FOXP1: variants seen among roughly 807,000 people sequenced by gnomAD.
FOXP1 encodes the protein forkhead box P1, also known as forkhead box protein P1.
Under a neutral mutation model 98.2 loss-of-function variants are expected in FOXP1, and 15 were observed. The observed-to-expected ratio is 0.15, with a 90% confidence interval of 0.10 to 0.24. FOXP1 has a LOEUF of 0.24. FOXP1 is among the 10% of genes least tolerant of loss of function. The pLI is 1.00. For synonymous variants in FOXP1, 371 were observed against 314.5 expected, an observed-to-expected ratio of 1.18 and a Z score of -1.90; for missense variants, 633 against 848.5, an observed-to-expected ratio of 0.75 and a Z score of 3.15.
At chr3:71,106,849 T>C (rs1039199528) in intron 7 of FOXP1, among the ~76,000 whole-genome samples, 17 of 151,306 alleles carry the variant, frequency 1.1e-4, no homozygotes, top group South Asian at 4.2e-4. Flanking sequence ...TCATGGCTCA[T>C]TGTAGCCTCT....
chr3:71,040,080 G>GGTGTGTGTGT (rs111790256), intron 11 of FOXP1, among the ~76,000 whole-genome samples: 1 of 147,830 alleles, frequency 6.8e-6, no homozygotes, highest in Non-Finnish European at 1.5e-5. Flanking sequence ...ACTTGAACAT[G>GGTGTGTGTGT]GTGTGTGTGT....
intron 6 of FOXP1, among the ~76,000 whole-genome samples, chr3:71,116,798 G>T (rs1480814755): frequency 6.6e-6 from 1 of 152,190 alleles, no homozygotes; most frequent in Admixed American, 6.5e-5. Context: ...TCACATGCAA[G>T]GAGAGGCAAT....
chr3:71,047,093 T>C lies in FOXP1; in HGVS notation c.513A>G (p.Gln171=). The change falls in exon 10 of 21, where the codon CAA becomes CAG. Residue 171 remains glutamine, a splice_region_variant and synonymous_variant. Coordinates refer to ENST00000649528, the MANE Select transcript of FOXP1 (RefSeq NM_001349338.3). ...CCAACTGCTGGGTAGCCACCTGCTG[T>C]TGCTGTAAGAAATCAGGAAGAAAAA... ...QQHAGKQPKE[Q]QQVATQQLAF... 6.2e-7 allele frequency: 1 copy of C among 1,613,978 alleles called. No individual in the cohort carries two copies. The highest frequency in any genetic ancestry group is 8.5e-7 in the Non-Finnish European group (1 of 1,179,924).
chr3:71,490,513 G>A (rs1342010148), intron 3 of FOXP1, among the ~76,000 whole-genome samples: 1 of 151,722 alleles, frequency 6.6e-6, no homozygotes, highest in African/African-American at 2.4e-5. Context: ...AAAAAAAATG[G>A]GAGGAGAATA....
In FOXP1 at chr3:71,512,520, C is replaced by T. The variant is rs545294665; in HGVS notation, c.-297-18965G>A. On this transcript the variant is annotated intron_variant, in intron 2 of 20. Transcript: ENST00000649528. Reference sequence around the variant, plus strand: ...CCTGAAGAGTCTATTTTTCCCCCATCACAACACACTTAAGTAGTACATATT... The same window carrying T: ...CCTGAAGAGTCTATTTTTCCCCCATTACAACACACTTAAGTAGTACATATT... Among the ~76,000 whole-genome samples, 163 of 152,326 alleles carry T rather than the reference C, an allele frequency of 1.1e-3. 1 individual carries two copies. Among genetic ancestry groups the T allele is most frequent in the African/African-American group, 3.8e-3 (157 of 41,564 alleles).
Position 71,580,969 on chromosome 3 carries a change from C to T in FOXP1, c.-298+580G>A, listed in dbSNP as rs1279437966. 4.8e-5 allele frequency: 47 copies of T among 985,204 alleles called. No homozygotes were observed. The Admixed American group carries it at 2.9e-3, about 61-fold the overall frequency. 61.0% of individuals were successfully genotyped at this position (985,204 alleles called of 1,614,324 possible). A position where few individuals can be genotyped will look rare whatever the true frequency, so the allele number is the denominator to read the frequency against. ...GAGCAGACATGAGCGCAATTCCAGC[C>T]CCTCAGAAGTGGACTGCATAAGGTC... On this transcript the variant is annotated intron_variant, in intron 2 of 20. Transcript: ENST00000649528.
rs537750330 is a variant in FOXP1, at chr3:71,372,322, G to A, written c.-167-13078C>T. ...CAGGCGTGAGCCACTGTGCCTGGCC[G>A]AGGATCATTCTTTAAGTCTTAAATA... On this transcript the variant is annotated intron_variant, in intron 3 of 20. Coordinates refer to ENST00000649528, the MANE Select transcript of FOXP1 (RefSeq NM_001349338.3). 9.9e-5 allele frequency among the ~76,000 whole-genome samples: 15 copies of A among 152,130 alleles called. No homozygotes were observed. The East Asian group carries it at 1.2e-3, about 12-fold the overall frequency.
At chr3:71,547,458 T>C (rs2045452079) in intron 2 of FOXP1, among the ~76,000 whole-genome samples, 1 of 152,196 alleles carries the variant, frequency 6.6e-6, no homozygotes, top group South Asian at 2.1e-4. Flanking sequence ...CCAGATGGTC[T>C]CCACGGATTG....
chr3:71,580,892 C>T (rs1471149057), intron 2 of FOXP1: 1 of 985,354 alleles, frequency 1.0e-6, no homozygotes, highest in African/African-American at 1.7e-5. Context: ...TCCGGCATTC[C>T]TGTTTAAAGA....
At chr3:71,569,417 C>T (rs968089608) in intron 2 of FOXP1, among the ~76,000 whole-genome samples, 2 of 152,166 alleles carry the variant, frequency 1.3e-5, no homozygotes, top group African/African-American at 2.4e-5. Context: ...ATGCAGAGAC[C>T]ATTTGGTCCT....
At chr3:71,166,681 T>C (rs1371755338) in intron 6 of FOXP1, among the ~76,000 whole-genome samples, 1 of 152,206 alleles carries the variant, frequency 6.6e-6, no homozygotes, top group Non-Finnish European at 1.5e-5. Flanking sequence ...TTATGATAAA[T>C]GCTGAACACC....
At chr3:71,246,905 C>T (rs1254318677) in intron 5 of FOXP1, among the ~76,000 whole-genome samples, 2 of 152,154 alleles carry the variant, frequency 1.3e-5, no homozygotes, top group African/African-American at 4.8e-5. Flanking sequence ...GCCATTTCAT[C>T]GAGCAATGTG....
At position 71,082,007 on chromosome 3, in the gene FOXP1, G is replaced by A. The variant is rs370492439; in HGVS notation, c.283-28234C>T. Among the ~76,000 whole-genome samples, 42 of 152,252 alleles carry A rather than the reference G, an allele frequency of 2.8e-4. 1 individual carries two copies. The highest frequency in any genetic ancestry group is 2.5e-3 in the East Asian group (13 of 5,162). ...GAATAGACGGTGCTGCGCTGGGCGC[G>A]GTGGCTCACGCCTGTAATCCCAGCA... On this transcript the variant is annotated intron_variant, in intron 7 of 20. Transcript: ENST00000649528.
rs1388196089 is a variant in FOXP1 at position 71,396,946 on chromosome 3, A to ATG, written c.-167-37704_-167-37703dup. 6.9e-4 allele frequency among the ~76,000 whole-genome samples: 49 copies of ATG among 70,838 alleles called. 2 individuals carry two copies. Among genetic ancestry groups the ATG allele is most frequent in the African/African-American group, 2.8e-3 (46 of 16,258 alleles). The allele number at this position is 70,838 out of a possible 152,430, so 46.5% of individuals were successfully genotyped here. ...TATATATATATATACACATATATAT[A>ATG]TGTGTATATATATATATGTGTGTAT... On this transcript the variant is annotated intron_variant, in intron 3 of 20. Coordinates refer to ENST00000649528, the MANE Select transcript of FOXP1 (RefSeq NM_001349338.3).
At chr3:71,306,542 C>A (rs917802765) in intron 4 of FOXP1, among the ~76,000 whole-genome samples, 1 of 135,334 alleles carries the variant, frequency 7.4e-6, no homozygotes, top group Non-Finnish European at 1.5e-5. Context: ...ATAAAGTGTA[C>A]ATATAAAAAT....
rs774379525 is a variant in FOXP1 at position 70,976,935 on chromosome 3, G to C, written c.1530+6C>G. The C allele has an allele frequency of 6.2e-6, 10 of 1,606,602 alleles. No individual in the cohort carries two copies. The highest frequency in any genetic ancestry group is 1.3e-5 in the African/African-American group (1 of 74,790). On this transcript the variant is annotated splice_donor_region_variant and intron_variant, in intron 17 of 20. Coordinates refer to ENST00000649528, the MANE Select transcript of FOXP1 (RefSeq NM_001349338.3). Reference sequence around the variant, plus strand: ...TCCAAGAATAAACAGGCCTGAGAAAGCTTACCTTCCACGTGGCCGCGTTGC... The same window carrying C: ...TCCAAGAATAAACAGGCCTGAGAAACCTTACCTTCCACGTGGCCGCGTTGC...
At chr3:70,991,356 T>A (rs922333073) in intron 13 of FOXP1, among the ~76,000 whole-genome samples, 35 of 152,112 alleles carry the variant, frequency 2.3e-4, no homozygotes, top group African/African-American at 6.8e-4. Context: ...GGCCTCAAAT[T>A]AGGTTTAAGA....
intron 6 of FOXP1, among the ~76,000 whole-genome samples, chr3:71,152,810 G>A (rs190373783): frequency 2.6e-5 from 4 of 152,218 alleles, no homozygotes; most frequent in African/African-American, 4.8e-5. Context: ...AGTTAGCTTT[G>A]GTATTATTGA....
chr3:71,406,405 G>GTGTATATATATATATA (rs1347753258), intron 3 of FOXP1, among the ~76,000 whole-genome samples: 7 of 106,006 alleles, frequency 6.6e-5, no homozygotes, highest in Middle Eastern at 5.3e-3. Flanking sequence ...AACTGTATGT[G>GTGTATATATATATATA]TATATATATA....
Sources: allele counts gnomAD v4.1 joint callset (sites outside exome capture counted in the v4.1 genomes callset), GRCh38; gene constraint gnomAD v4.1.1; transcripts MANE v1.5; gene names NCBI Gene and HGNC (gene_info 2026-07-23, HGNC 2026-07-21).